ZDHHC14: variants seen among roughly 807,000 people sequenced by gnomAD.
ZDHHC14 encodes the protein palmitoyltransferase ZDHHC14.
ZDHHC14 carries 16 observed loss-of-function variants against 47.7 expected under a neutral mutation model. The ratio of observed to expected loss-of-function variants is 0.34; its 90% confidence interval spans 0.23 to 0.51. The LOEUF is 0.51. Ranked by LOEUF, ZDHHC14 falls within the 20% of genes least tolerant of loss-of-function variation. ZDHHC14 has a pLI of 0.97. For missense variants in ZDHHC14, 515 were observed against 662.5 expected (o/e 0.78, Z 2.44); for synonymous variants, 293 against 278.9 (o/e 1.05, Z -0.50).
intron 3 of ZDHHC14, among the ~76,000 whole-genome samples, chr6:157,595,691 G>T (rs898185778): frequency 1.3e-5 from 2 of 152,162 alleles, no homozygotes; most frequent in African/African-American, 2.4e-5. Flanking sequence ...TCACAGCTGT[G>T]CCTTTCCCCA....
At chr6:157,603,265 G>C (rs542146789) in intron 3 of ZDHHC14, among the ~76,000 whole-genome samples, 1 of 152,340 alleles carries the variant, frequency 6.6e-6, no homozygotes, top group African/African-American at 2.4e-5. Flanking sequence ...TTTCACACAG[G>C]TTCGTTCCCT....
intron 1 of ZDHHC14, among the ~76,000 whole-genome samples, chr6:157,423,157 A>G (rs1778144006): frequency 6.6e-6 from 1 of 152,170 alleles, no homozygotes; most frequent in Non-Finnish European, 1.5e-5. Flanking sequence ...AAGGTCCCCA[A>G]AGTGGCATTG....
At chr6:157,480,360 C>T (rs545540188) in intron 1 of ZDHHC14, among the ~76,000 whole-genome samples, 4 of 150,952 alleles carry the variant, frequency 2.6e-5, no homozygotes, top group Admixed American at 6.6e-5. Context: ...CTCTGCCACC[C>T]GAGTTCAAGC....
intron 1 of ZDHHC14, among the ~76,000 whole-genome samples, chr6:157,439,344 C>G (rs1469112197): frequency 6.6e-6 from 1 of 152,030 alleles, no homozygotes; most frequent in Non-Finnish European, 1.5e-5. Context: ...AGAAGGTGGG[C>G]AAAGGACATG....
chr6:157,424,160 A>T (rs1472759387), intron 1 of ZDHHC14, among the ~76,000 whole-genome samples: 2 of 152,226 alleles, frequency 1.3e-5, no homozygotes, highest in Admixed American at 6.5e-5. Flanking sequence ...AGAGGCAGCC[A>T]CTGTGTGATA....
At chr6:157,642,055 TAGATAGATAGA>T (rs1777279506) in intron 5 of ZDHHC14, among the ~76,000 whole-genome samples, 2 of 151,256 alleles carry the variant, frequency 1.3e-5, no homozygotes, top group South Asian at 2.1e-4. Context: ...GATAGATAGA[TAGATAGATAGA>T]TAGTTATCAT....
At position 157,416,785 on chromosome 6, in the gene ZDHHC14, G is replaced by A. The variant is rs551234196; in HGVS notation, c.245+34519G>A. On this transcript the variant is annotated intron_variant, in intron 1 of 8. Transcript: ENST00000359775. Reference sequence around the variant, plus strand: ...AATTCACCTCCCACTTGCCACTCCCGAGTTGTAGCCATTGTTAGCAAATTT... The same window carrying A: ...AATTCACCTCCCACTTGCCACTCCCAAGTTGTAGCCATTGTTAGCAAATTT... 2.3e-4 allele frequency among the ~76,000 whole-genome samples: 34 copies of A among 147,792 alleles called. No homozygotes were observed. In the South Asian group the frequency reaches 5.8e-3, roughly 25 times the overall value.
At chr6:157,421,996 C>T (rs955339765) in intron 1 of ZDHHC14, among the ~76,000 whole-genome samples, 1 of 152,202 alleles carries the variant, frequency 6.6e-6, no homozygotes. Flanking sequence ...TCAAGAGCCT[C>T]ATAACGATTC....
intron 1 of ZDHHC14, among the ~76,000 whole-genome samples, chr6:157,383,615 C>T (rs1777256066): frequency 6.6e-6 from 1 of 152,184 alleles, no homozygotes. Flanking sequence ...TTTAAGAGGA[C>T]TGAGTTAGAC....
At chr6:157,437,069 G>T (rs1190147433) in intron 1 of ZDHHC14, among the ~76,000 whole-genome samples, 1 of 152,162 alleles carries the variant, frequency 6.6e-6, no homozygotes, top group African/African-American at 2.4e-5. Context: ...CAACAGCTGG[G>T]CCTGCTTCCA....
intron 1 of ZDHHC14, among the ~76,000 whole-genome samples, chr6:157,447,892 G>A (rs1309473523): frequency 6.6e-6 from 1 of 151,920 alleles, no homozygotes; most frequent in Non-Finnish European, 1.5e-5. Flanking sequence ...TTTTTTGAGA[G>A]GTGGGGTCTC....
chr6:157,608,476 G>A (rs1374021623), intron 3 of ZDHHC14, among the ~76,000 whole-genome samples: 3 of 152,162 alleles, frequency 2.0e-5, no homozygotes, highest in East Asian at 1.9e-4. Context: ...AGGAAGCAGC[G>A]TCCCATCTGG....
chr6:157,443,191 T>C (rs1274701702), intron 1 of ZDHHC14, among the ~76,000 whole-genome samples: 1 of 152,220 alleles, frequency 6.6e-6, no homozygotes, highest in Non-Finnish European at 1.5e-5. Context: ...CCTTGTTTGC[T>C]CTGCACTTCT....
rs1229660645 is a variant in ZDHHC14 at position 157,381,981 on chromosome 6, G to T, written c.-41G>T. ...CTCGGCGGGGCCCGCGCGGCCGGGG[G>T]GCTCCTGGGGGTGTGCGCCCCCAGC... On this transcript the variant is annotated 5_prime_UTR_variant, in exon 1 of 9. Transcript: ENST00000359775. The T allele has an allele frequency of 1.3e-5, 15 of 1,148,902 alleles. No homozygotes were observed. Among genetic ancestry groups the T allele is most frequent in the African/African-American group, 1.6e-5 (1 of 60,886 alleles). 71.2% of individuals were successfully genotyped at this position (1,148,902 alleles called of 1,614,324 possible). A position where few individuals can be genotyped will look rare whatever the true frequency, so the allele number is the denominator to read the frequency against.
intron 2 of ZDHHC14, among the ~76,000 whole-genome samples, chr6:157,544,927 A>G (rs1260910255): frequency 1.3e-5 from 2 of 152,246 alleles, no homozygotes; most frequent in Non-Finnish European, 2.9e-5. Context: ...ATGAATATTC[A>G]TAGCTGCATG....
chr6:157,598,221 G>T (rs1280982504), intron 3 of ZDHHC14, among the ~76,000 whole-genome samples: 7 of 152,226 alleles, frequency 4.6e-5, no homozygotes, highest in Non-Finnish European at 1.0e-4. Flanking sequence ...CGGCCCTGCA[G>T]CTGCCTTCTG....
At chr6:157,623,753 T>G (rs1023123177) in intron 3 of ZDHHC14, among the ~76,000 whole-genome samples, 2 of 152,032 alleles carry the variant, frequency 1.3e-5, no homozygotes, top group Admixed American at 1.3e-4. Context: ...TTTCACCATG[T>G]TGGCCAGGAT....
chr6:157,547,192 G>A (rs1412892424), intron 2 of ZDHHC14, among the ~76,000 whole-genome samples: 1 of 152,218 alleles, frequency 6.6e-6, no homozygotes, highest in African/African-American at 2.4e-5. Context: ...ACGTGCACGT[G>A]TGTGTGTGTT....
chr6:157,387,967 T>C (rs956014509), intron 1 of ZDHHC14, among the ~76,000 whole-genome samples: 9 of 152,238 alleles, frequency 5.9e-5, no homozygotes, highest in African/African-American at 1.9e-4. Context: ...AAACTTTGAT[T>C]ATTTGATGTA....
Sources: gnomAD v4.1 joint callset for allele counts (sites outside exome capture counted in the v4.1 genomes callset) on GRCh38, gnomAD v4.1.1 for gene constraint, MANE v1.5 for transcripts, NCBI Gene and HGNC (gene_info 2026-07-23, HGNC 2026-07-21) for gene names.